The following PPP3CA variants were observed in gnomAD, a reference collection of about 807,000 sequenced individuals.
The protein encoded by PPP3CA is CAM-PRP catalytic subunit.
PPP3CA carries 14 observed loss-of-function variants against 66.5 expected under a neutral mutation model. That is an observed-to-expected ratio of 0.21 (90% CI 0.14 to 0.33). The LOEUF (loss-of-function observed/expected upper bound fraction) is 0.33, where lower values mean the gene tolerates loss of function less well. PPP3CA is among the 10% of genes least tolerant of loss of function. PPP3CA has a pLI of 1.00. For missense variants in PPP3CA, 317 were observed against 639.5 expected (o/e 0.50, Z 5.44); for synonymous variants, 232 against 226.2 (o/e 1.03, Z -0.23).
intron 8 of PPP3CA, among the ~76,000 whole-genome samples, chr4:101,072,581 C>T (rs1052396570): frequency 8.5e-5 from 13 of 152,118 alleles, no homozygotes; most frequent in Non-Finnish European, 7.4e-5. Flanking sequence ...CACATAAACT[C>T]TGAGCAGTGT....
At chr4:101,171,299 T>C in intron 2 of PPP3CA, 1 of 444,222 alleles carries the variant, frequency 2.3e-6, no homozygotes, top group Non-Finnish European at 4.5e-6. Flanking sequence ...TGTATATTCT[T>C]TAAAGCTCCA....
At chr4:101,330,633 T>C (rs1729354616) in intron 1 of PPP3CA, among the ~76,000 whole-genome samples, 1 of 152,170 alleles carries the variant, frequency 6.6e-6, no homozygotes, top group Non-Finnish European at 1.5e-5. Context: ...TCCTGTGATA[T>C]TCGCTCTATT....
At chr4:101,213,286 G>C (rs892474735) in intron 1 of PPP3CA, among the ~76,000 whole-genome samples, 1 of 152,108 alleles carries the variant, frequency 6.6e-6, no homozygotes, top group South Asian at 2.1e-4. Context: ...ATGAAACAGT[G>C]TATGACCATG....
chr4:101,329,231 GA>G (rs2110330931), intron 1 of PPP3CA, among the ~76,000 whole-genome samples: 1 of 152,170 alleles, frequency 6.6e-6, no homozygotes, highest in East Asian at 1.9e-4. Context: ...GCCAATATAA[GA>G]AAAGTTTTTG....
At chr4:101,182,547 G>C (rs1724273602) in intron 2 of PPP3CA, among the ~76,000 whole-genome samples, 1 of 152,152 alleles carries the variant, frequency 6.6e-6, no homozygotes, top group Non-Finnish European at 1.5e-5. Flanking sequence ...TCTCAAGTTA[G>C]AGAAACAAAG....
intron 1 of PPP3CA, among the ~76,000 whole-genome samples, chr4:101,238,455 T>C (rs892872324): frequency 2.0e-5 from 3 of 151,886 alleles, no homozygotes; most frequent in African/African-American, 7.3e-5. Flanking sequence ...ATGAATTCTT[T>C]AGAATAACAT....
At chr4:101,176,684 G>T (rs1724070001) in intron 2 of PPP3CA, among the ~76,000 whole-genome samples, 1 of 151,984 alleles carries the variant, frequency 6.6e-6, no homozygotes, top group African/African-American at 2.4e-5. Flanking sequence ...AGACATATGG[G>T]GCAAATGACT....
At chr4:101,273,856 T>C (rs1167358010) in intron 1 of PPP3CA, among the ~76,000 whole-genome samples, 2 of 151,746 alleles carry the variant, frequency 1.3e-5, no homozygotes, top group Non-Finnish European at 2.9e-5. Flanking sequence ...AAAAATAAAA[T>C]GATGAAATAA....
intron 2 of PPP3CA, among the ~76,000 whole-genome samples, chr4:101,171,937 CAA>C (rs1379502901): frequency 2.0e-5 from 3 of 152,092 alleles, no homozygotes; most frequent in Admixed American, 2.0e-4. Flanking sequence ...TGACAGCATT[CAA>C]TAAATATTTG....
intron 8 of PPP3CA, among the ~76,000 whole-genome samples, chr4:101,069,437 G>A (rs1003989466): frequency 6.6e-6 from 1 of 152,062 alleles, no homozygotes; most frequent in Non-Finnish European, 1.5e-5. Context: ...ACTTGTACAT[G>A]CATCCTTCAT....
At chr4:101,095,801 G>A (rs1243937427) in intron 5 of PPP3CA, among the ~76,000 whole-genome samples, 11 of 152,118 alleles carry the variant, frequency 7.2e-5, no homozygotes, top group African/African-American at 1.9e-4. Context: ...ACAGGCGCGC[G>A]CCACCATGCC....
chr4:101,226,056 A>G (rs1182177777), intron 1 of PPP3CA, among the ~76,000 whole-genome samples: 1 of 151,814 alleles, frequency 6.6e-6, no homozygotes, highest in Non-Finnish European at 1.5e-5. Context: ...ATCTAATATT[A>G]AAGTAATATT....
chr4:101,256,726 T>C (rs1162912166), intron 1 of PPP3CA, among the ~76,000 whole-genome samples: 1 of 151,988 alleles, frequency 6.6e-6, no homozygotes, highest in Non-Finnish European at 1.5e-5. Context: ...ACAAGTAGGA[T>C]TTTCTGGTTC....
intron 1 of PPP3CA, among the ~76,000 whole-genome samples, chr4:101,242,611 T>C (rs1403635367): frequency 1.3e-5 from 2 of 152,134 alleles, no homozygotes; most frequent in Non-Finnish European, 2.9e-5. Context: ...GGGTGTCTTA[T>C]ATGTGTCATT....
intron 10 of PPP3CA, among the ~76,000 whole-genome samples, chr4:101,042,878 T>C (rs1188968393): frequency 1.3e-5 from 2 of 151,350 alleles, no homozygotes; most frequent in Non-Finnish European, 2.9e-5. Context: ...TGTATATATA[T>C]ATTTCAGTTA....
chr4:101,110,984 C>T (rs1560607669), intron 2 of PPP3CA, among the ~76,000 whole-genome samples: 1 of 151,918 alleles, frequency 6.6e-6, no homozygotes, highest in Non-Finnish European at 1.5e-5. Flanking sequence ...TAAAAATATC[C>T]ATCTTAAAAA....
chr4:101,153,725 A>G (rs551136766), intron 2 of PPP3CA, among the ~76,000 whole-genome samples: 1 of 152,300 alleles, frequency 6.6e-6, no homozygotes, highest in East Asian at 1.9e-4. Context: ...CAGGTTATCT[A>G]CCTAGCAAAA....
intron 1 of PPP3CA, among the ~76,000 whole-genome samples, chr4:101,332,001 G>T (rs1174729455): frequency 6.6e-6 from 1 of 152,146 alleles, no homozygotes; most frequent in African/African-American, 2.4e-5. Context: ...GTGTATGCAA[G>T]AGAAAAAGGT....
chr4:101,092,544 G>A (rs9991245), intron 6 of PPP3CA, among the ~76,000 whole-genome samples: 27,891 of 151,270 alleles, frequency 0.18, 3,253 homozygotes, highest in African/African-American at 0.32. Flanking sequence ...CCATCAACCC[G>A]TCATCTACAT....
Sources: gnomAD v4.1 joint callset for allele counts (sites outside exome capture counted in the v4.1 genomes callset) on GRCh38, gnomAD v4.1.1 for gene constraint, MANE v1.5 for transcripts, NCBI Gene and HGNC (gene_info 2026-07-23, HGNC 2026-07-21) for gene names.